TPTE2: variants seen among roughly 807,000 people sequenced by gnomAD.
TPTE2 encodes transmembrane phosphoinositide 3-phosphatase and tensin homolog 2.
Under a neutral mutation model 78.6 loss-of-function variants are expected in TPTE2, and 53 were observed. The observed-to-expected ratio is 0.67, with a 90% confidence interval of 0.54 to 0.85. TPTE2 has a LOEUF of 0.85. TPTE2 is among the 40% of genes least tolerant of loss of function. The pLI, the probability that TPTE2 is intolerant of heterozygous loss-of-function variation, is 0.00. For synonymous variants in TPTE2, 175 were observed against 206.2 expected, an observed-to-expected ratio of 0.85 and a Z score of 1.30; for missense variants, 461 against 623.0, an observed-to-expected ratio of 0.74 and a Z score of 2.77.
intron 2 of TPTE2, 115 bp downstream of exon 5, chr13:19,493,333 A>ATGGG: frequency 1.4e-6 from 1 of 714,062 alleles, no homozygotes; most frequent in Admixed American, 2.5e-5. Flanking sequence ...GGATGGATGG[A>ATGGG]TGGATGGATG....
intron 10 of TPTE2, among the ~76,000 whole-genome samples, chr13:19,458,108 T>TC (rs2137546984): frequency 6.6e-6 from 1 of 152,336 alleles, no homozygotes; most frequent in Non-Finnish European, 1.5e-5. Context: ...AAGATGGTAC[T>TC]CACCATCTTT....
At chr13:19,429,533 T>A (rs1273984616) in intron 17 of TPTE2, among the ~76,000 whole-genome samples, 1 of 152,204 alleles carries the variant, frequency 6.6e-6, no homozygotes, top group Non-Finnish European at 1.5e-5. Context: ...TACCACTCAG[T>A]GGGTGCTCAT....
At chr13:19,490,121 A>G (rs1880915093) in intron 3 of TPTE2, among the ~76,000 whole-genome samples, 1 of 152,182 alleles carries the variant, frequency 6.6e-6, no homozygotes, top group Non-Finnish European at 1.5e-5. Flanking sequence ...AAACAATCTA[A>G]TGAATCACAA....
At chr13:19,438,431 A>G (rs1383777026) in intron 13 of TPTE2, 1 of 985,214 alleles carries the variant, frequency 1.0e-6, no homozygotes, top group East Asian at 1.1e-4. Context: ...AGAAAGCAAC[A>G]ATTCATGTCT....
intron 13 of TPTE2, among the ~76,000 whole-genome samples, chr13:19,448,551 G>A (rs1877979595): frequency 6.6e-6 from 1 of 152,136 alleles, no homozygotes; most frequent in African/African-American, 2.4e-5. Context: ...ATGGCCAAGA[G>A]GTATAATGAG....
intron 10 of TPTE2, among the ~76,000 whole-genome samples, chr13:19,460,662 G>A (rs1878829181): frequency 6.6e-6 from 1 of 152,258 alleles, no homozygotes; most frequent in East Asian, 1.9e-4. Context: ...GGAAGTAGCT[G>A]AACTTGCAGG....
In TPTE2 at chr13:19,486,844, G is replaced by A. The variant is rs1289302675; in HGVS notation, c.120-4297C>T. 6.6e-6 allele frequency among the ~76,000 whole-genome samples: 1 copy of A among 152,172 alleles called. No homozygotes were observed. The highest frequency in any genetic ancestry group is 1.5e-5 in the Non-Finnish European group (1 of 68,026). On this transcript the variant is annotated intron_variant, in intron 3 of 19. Coordinates refer to ENST00000400230, the Ensembl canonical transcript of TPTE2. This position sits in a 1 kb window ranked among gnomAD's most constrained non-coding sequence, Gnocchi z 4.3. ...AGTCCATAGAGCTATTCTAGCTCAG[G>A]ATGTGGGCACACTGCTGCTCAGCTG...
intron 6 of TPTE2, among the ~76,000 whole-genome samples, chr13:19,471,447 G>GT (rs1296377419): frequency 6.6e-6 from 1 of 151,858 alleles, no homozygotes; most frequent in Non-Finnish European, 1.5e-5. Context: ...CCACTGTTAT[G>GT]TTTTTTGGTT....
intron 1 of TPTE2, among the ~76,000 whole-genome samples, chr13:19,523,200 C>A (rs140038857): frequency 1.3e-5 from 2 of 152,048 alleles, no homozygotes; most frequent in African/African-American, 2.4e-5. Flanking sequence ...TTGTTTTTCA[C>A]CAAGATTGTA....
At chr13:19,428,134 G>A (rs979377272) in intron 17 of TPTE2, among the ~76,000 whole-genome samples, 1 of 152,006 alleles carries the variant, frequency 6.6e-6, no homozygotes, top group Non-Finnish European at 1.5e-5. Flanking sequence ...AGAAAAAGAC[G>A]AGCAATAACA....
chr13:19,534,585 C>A (rs1327174660), intron 1 of TPTE2, among the ~76,000 whole-genome samples: 3 of 152,162 alleles, frequency 2.0e-5, no homozygotes, highest in Non-Finnish European at 2.9e-5. Context: ...GTATGAGCTA[C>A]TTCCTCCCTC....
upstream of TPTE2, among the ~76,000 whole-genome samples, chr13:19,506,977 G>A (rs1869093067): frequency 6.6e-6 from 1 of 152,064 alleles, no homozygotes; most frequent in African/African-American, 2.4e-5. Flanking sequence ...TATCCAACTA[G>A]ACCCAAAAAG....
rs369961301 is a variant in TPTE2, at chr13:19,474,027, G to A, written c.279C>T (p.Ala93=). 9.5e-5 allele frequency: 153 copies of A among 1,607,340 alleles called. 1 individual carries two copies. The East Asian group carries it at 1.2e-3, about 13-fold the overall frequency. The change falls in exon 6 of 20, where the codon GCC becomes GCT. Residue 93 remains alanine, a synonymous_variant. Coordinates refer to ENST00000400230, the Ensembl canonical transcript of TPTE2. ...GTTTGCTGTCAGTGAAAATTAGGTC[G>A]GCAAGGAGGAGAGTGACATCCAGTA...
In TPTE2 at chr13:19,450,075, C is replaced by T. The variant is rs749752266; in HGVS notation, c.973+1G>A. ...AAAAATGAAAAGGAAAATGTTATTA[C>T]CTTTGCCTCCTTTACAGTGAATCGC... On this transcript the variant is annotated splice_donor_variant, in intron 13 of 19. Transcript: ENST00000400230. LOFTEE classifies it high-confidence loss of function. The T allele has an allele frequency of 1.2e-6, 2 of 1,610,632 alleles. No homozygotes were observed. The highest frequency in any genetic ancestry group is 1.7e-6 in the Non-Finnish European group (2 of 1,179,366).
rs918709427 is a variant in TPTE2 at position 19,497,965 on chromosome 13, G to A, written c.12-4464C>T. Among the ~76,000 whole-genome samples the A allele has an allele frequency of 4.8e-4, 73 of 151,874 alleles. 1 individual carries two copies. The highest frequency in any genetic ancestry group is 4.1e-3 in the Admixed American group (62 of 15,270). On this transcript the variant is annotated intron_variant, in intron 1 of 19. Transcript: ENST00000400230. ...CAGAGAAGTGCTTAAAGGAGCTGAC[G>A]GAGCTGAAAACCAAGGCTCGAGAAC... is the stretch of plus-strand genomic sequence containing the variant.
chr13:19,560,716 G>C, the TPTE2 span: 3 of 1,490,296 alleles, frequency 2.0e-6, no homozygotes, highest in Non-Finnish European at 2.8e-6. Flanking sequence ...TGGGCCTGTC[G>C]TCTGGGGGCC....
At chr13:19,488,257 C>T (rs967539090) in intron 3 of TPTE2, among the ~76,000 whole-genome samples, 3 of 152,168 alleles carry the variant, frequency 2.0e-5, no homozygotes, top group African/African-American at 7.2e-5. Flanking sequence ...TTCGTAAGGG[C>T]CCTAGGATTT....
At chr13:19,515,326 T>C (rs1325496142) in intron 1 of TPTE2, among the ~76,000 whole-genome samples, 4 of 152,206 alleles carry the variant, frequency 2.6e-5, no homozygotes, top group African/African-American at 4.8e-5. Context: ...TTTCTCACAA[T>C]GGAAATGTGT....
chr13:19,558,832 A>T, the TPTE2 span, among the ~76,000 whole-genome samples: 16 of 152,250 alleles, frequency 1.1e-4, no homozygotes, highest in African/African-American at 3.9e-4. Flanking sequence ...AAGTCCAGCA[A>T]ATATAAGCTT....
Sources: gnomAD v4.1 joint callset for allele counts (sites outside exome capture counted in the v4.1 genomes callset) on GRCh38, gnomAD v4.1.1 for gene constraint, Gnocchi (gnomAD v3.1) non-coding constraint, MANE v1.5 for transcripts, NCBI Gene and HGNC (gene_info 2026-07-23, HGNC 2026-07-21) for gene names.